CACNA1B: variants seen among roughly 807,000 people sequenced by gnomAD.
CACNA1B encodes voltage-dependent N-type calcium channel subunit alpha-1B.
Under a neutral mutation model 247.2 loss-of-function variants are expected in CACNA1B, and 70 were observed. That is an observed-to-expected ratio of 0.28 (90% CI 0.23 to 0.35). CACNA1B has a LOEUF of 0.35. Ranked by LOEUF, CACNA1B falls within the 10% of genes least tolerant of loss-of-function variation. CACNA1B has a pLI of 1.00. For missense variants in CACNA1B, 2,367 were observed against 3,197.4 expected (o/e 0.74, Z 6.26); for synonymous variants, 1,231 against 1,294.4 (o/e 0.95, Z 1.05).
chr9:138,022,910 C>G (rs1958866330), intron 18 of CACNA1B, 101 bp from the exon 19 acceptor site: 4 of 1,365,112 alleles, frequency 2.9e-6, no homozygotes, highest in Non-Finnish European at 2.8e-6. Flanking sequence ...CCTCCCACCT[C>G]CCTGCGCCAT....
chr9:137,986,645 C>A lies in CACNA1B; in HGVS notation c.1901+101C>A. 1 of 1,465,686 alleles carries A rather than the reference C, an allele frequency of 6.8e-7. No individual in the cohort carries two copies. The highest frequency in any genetic ancestry group is 9.5e-7 in the Non-Finnish European group (1 of 1,049,402). 90.8% of individuals were successfully genotyped at this position (1,465,686 alleles called of 1,614,324 possible). ...CAGGCTGCCTCCACCCACCTTCCCA[C>A]CAGGAAGGTCCTCAGAGGGGCCAGT... is the stretch of plus-strand genomic sequence containing the variant. On this transcript the variant is annotated intron_variant, in intron 14 of 46. Coordinates refer to ENST00000371372, the MANE Select transcript of CACNA1B (RefSeq NM_000718.4). The surrounding 1 kb of genome is among the most constrained non-coding windows in gnomAD (Gnocchi z 6.0).
chr9:138,090,701 CAAAAAAAAAAAAAA>C (rs1173964720), intron 36 of CACNA1B, among the ~76,000 whole-genome samples: 28 of 16,598 alleles, frequency 1.7e-3, no homozygotes, highest in East Asian at 0.016. Flanking sequence ...AACCCATCAG[CAAAAAAAAAAAAAA>C]AAAAAAAAAA....
In CACNA1B at chr9:137,986,293, A is replaced by C. The variant is rs1166764008; in HGVS notation, c.1770-120A>C. Reference sequence around the variant, plus strand: ...CTCCAGAGAAAAGCTCTAACTTCACACCTAGGTGTGCAGCCCTCAGGGTTT... The same window carrying C: ...CTCCAGAGAAAAGCTCTAACTTCACCCCTAGGTGTGCAGCCCTCAGGGTTT... On this transcript the variant is annotated intron_variant, in intron 13 of 46. Transcript: ENST00000371372. This position sits in a 1 kb window ranked among gnomAD's most constrained non-coding sequence, Gnocchi z 6.0. 2 of 1,089,004 alleles carry C rather than the reference A, an allele frequency of 1.8e-6. No individual in the cohort carries two copies. Among genetic ancestry groups the C allele is most frequent in the Non-Finnish European group, 2.6e-6 (2 of 757,688 alleles). The allele number at this position is 1,089,004 out of a possible 1,614,324, so 67.5% of individuals were successfully genotyped here.
chr9:138,124,380 A>G lies in CACNA1B; in HGVS notation c.*2381A>G, dbSNP rs1477862019. ...TTGTTAATTTTTAATTATATTTGAT[A>G]TAAATCAAAGGTTTGTTGCAAAACT... On this transcript the variant is annotated 3_prime_UTR_variant, in exon 47 of 47. Transcript: ENST00000371372. 1 of 152,068 alleles carries G rather than the reference A, an allele frequency of 6.6e-6. No individual in the cohort carries two copies. Among genetic ancestry groups the G allele is most frequent in the African/African-American group, 2.4e-5 (1 of 41,410 alleles). The allele number at this position is 152,068 out of a possible 1,614,324, so 9.4% of individuals were successfully genotyped here.
At chr9:137,939,038 C>T (rs566883700) in intron 6 of CACNA1B, among the ~76,000 whole-genome samples, 1 of 152,122 alleles carries the variant, frequency 6.6e-6, no homozygotes, top group African/African-American at 2.4e-5. Flanking sequence ...CCATTGCACT[C>T]CAGCCTGGGT....
At chr9:138,065,554 G>A (rs376182340) in intron 31 of CACNA1B, among the ~76,000 whole-genome samples, 29 of 152,272 alleles carry the variant, frequency 1.9e-4, no homozygotes, top group East Asian at 1.5e-3. Context: ...CCTCCTCTGC[G>A]TGGCAGAGCC....
At chr9:137,901,546 A>G (rs1473333725) in intron 3 of CACNA1B, among the ~76,000 whole-genome samples, 1 of 151,980 alleles carries the variant, frequency 6.6e-6, no homozygotes, top group Middle Eastern at 3.2e-3. Flanking sequence ...TATTTTGGTG[A>G]TACAGATTGT....
In CACNA1B at chr9:137,974,888, A is replaced by G. The variant is rs188987198; in HGVS notation, c.1544-1019A>G. 2.0e-5 allele frequency among the ~76,000 whole-genome samples: 3 copies of G among 152,294 alleles called. No homozygotes were observed. The highest frequency in any genetic ancestry group is 7.2e-5 in the African/African-American group (3 of 41,562). On this transcript the variant is annotated intron_variant, in intron 11 of 46. Transcript: ENST00000371372. The surrounding 1 kb of genome is among the most constrained non-coding windows in gnomAD (Gnocchi z 4.5). Reference sequence around the variant, plus strand: ...TAGCCCCTGCTGACCTGGCAGAGCCATGGTGCCTTTGGCCTGACCAGCACT... The same window carrying G: ...TAGCCCCTGCTGACCTGGCAGAGCCGTGGTGCCTTTGGCCTGACCAGCACT...
intron 15 of CACNA1B, among the ~76,000 whole-genome samples, chr9:138,004,668 A>G (rs1029960479): frequency 9.9e-5 from 15 of 152,180 alleles, no homozygotes; most frequent in African/African-American, 3.6e-4. Context: ...CGTATGCAGT[A>G]TTCTGTTTAT....
At chr9:138,106,380 T>TC (rs1226751506) in intron 39 of CACNA1B, among the ~76,000 whole-genome samples, 2 of 150,832 alleles carry the variant, frequency 1.3e-5, no homozygotes, top group African/African-American at 4.9e-5. Flanking sequence ...CACTTACGTC[T>TC]CCCCAAGGGT....
At chr9:138,041,279 G>T (rs1295580121) in intron 20 of CACNA1B, among the ~76,000 whole-genome samples, 1 of 152,128 alleles carries the variant, frequency 6.6e-6, no homozygotes, top group East Asian at 1.9e-4. Context: ...CGGTTCCTCA[G>T]TTCAGCCTCA....
In CACNA1B at chr9:138,025,091, A is replaced by T. The variant is rs774187294; in HGVS notation, c.3205A>T (p.Ser1069Cys). 9.3e-6 allele frequency: 15 copies of T among 1,613,378 alleles called. No individual in the cohort carries two copies. The South Asian group carries it at 1.7e-4, about 18-fold the overall frequency. ...DNQRNVTRMG[S>C]QPPDPNTIVH... Reference sequence around the variant, plus strand: ...TCAGCGGAACGTCACTCGCATGGGCAGTCAGCCCCCAGACCCGAACACTAT... The same window carrying T: ...TCAGCGGAACGTCACTCGCATGGGCTGTCAGCCCCCAGACCCGAACACTAT... Residue 1069 changes from serine (S) to cysteine (C), a missense_variant, in exon 20 of 47, where the codon AGT (serine) becomes TGT (cysteine). By Grantham distance (112) the Ser-to-Cys change is moderately radical. Coordinates refer to ENST00000371372, the MANE Select transcript of CACNA1B (RefSeq NM_000718.4).
Position 138,092,570 on chromosome 9 carries a change from A to G in CACNA1B, c.5095-3914A>G, listed in dbSNP as rs111640287. Among the ~76,000 whole-genome samples the G allele has an allele frequency of 3.0e-3, 455 of 152,322 alleles. 15 individuals carry two copies. The South Asian group carries it at 0.083, about 28-fold the overall frequency. ...TTCAAACACACATGTTTTACTAACA[A>G]TTTGTACAGATAACGCAATCATCAC... is the stretch of plus-strand genomic sequence containing the variant. On this transcript the variant is annotated intron_variant, in intron 36 of 46. Transcript: ENST00000371372.
At chr9:138,075,731 C>T (rs565118459) in intron 34 of CACNA1B, 88 bp from the exon 35 acceptor site, 26 of 814,208 alleles carry the variant, frequency 3.2e-5, no homozygotes, top group Admixed American at 1.4e-4. Context: ...GGTCCTTGTA[C>T]GGCTCGCACG....
At chr9:137,936,185 C>T (rs1000903320) in intron 6 of CACNA1B, among the ~76,000 whole-genome samples, 13 of 152,196 alleles carry the variant, frequency 8.5e-5, no homozygotes, top group African/African-American at 3.1e-4. Context: ...GACCGCCATT[C>T]TAACTGGTGT....
At chr9:138,120,997 G>T (rs1962073120) in intron 46 of CACNA1B, 116 bp downstream of exon 46, 3 of 1,245,018 alleles carry the variant, frequency 2.4e-6, no homozygotes, top group Non-Finnish European at 2.2e-6. Context: ...GTCATTCCCA[G>T]CAACCCAAGG....
At chr9:137,944,113 G>T (rs909948985) in intron 6 of CACNA1B, among the ~76,000 whole-genome samples, 8 of 152,106 alleles carry the variant, frequency 5.3e-5, no homozygotes, top group African/African-American at 1.7e-4. Context: ...GCCAGTGATG[G>T]CTGTCATAAT....
intron 6 of CACNA1B, among the ~76,000 whole-genome samples, chr9:137,942,939 A>G (rs966095748): frequency 6.6e-6 from 1 of 152,136 alleles, no homozygotes; most frequent in East Asian, 1.9e-4. Flanking sequence ...ACCAAACACC[A>G]TCTGTTCCCC....
intron 39 of CACNA1B, among the ~76,000 whole-genome samples, chr9:138,106,421 C>T (rs1014123780): frequency 4.6e-5 from 7 of 152,114 alleles, no homozygotes; most frequent in South Asian, 2.1e-4. Flanking sequence ...CTGTTTCTTG[C>T]CCTGTCTACT....
Sources: gnomAD v4.1 joint callset for allele counts (sites outside exome capture counted in the v4.1 genomes callset) on GRCh38, gnomAD v4.1.1 for gene constraint, Gnocchi (gnomAD v3.1) non-coding constraint, MANE v1.5 for transcripts, NCBI Gene and HGNC (gene_info 2026-07-23, HGNC 2026-07-21) for gene names.